The following LRRC49 variants were observed in gnomAD, a reference collection of about 807,000 sequenced individuals.
LRRC49 encodes leucine rich repeat containing 49.
Under a neutral mutation model 83.3 loss-of-function variants are expected in LRRC49, and 50 were observed. The observed-to-expected ratio is 0.60, with a 90% CI of 0.48 to 0.76. The LOEUF is 0.76. LRRC49 is among the 30% of genes least tolerant of loss of function. The pLI, the probability that LRRC49 is intolerant of heterozygous loss-of-function variation, is 0.00. For synonymous variants in LRRC49, 286 were observed against 283.3 expected (o/e 1.01, Z -0.10); for missense variants, 704 against 809.1 (o/e 0.87, Z 1.58).
rs756518687 is a variant in LRRC49, at chr15:70,862,002, G to C, written c.-299+8533G>C. On this transcript the variant is annotated intron_variant, in intron 1 of 16. Coordinates refer to the LRRC49 transcript ENST00000544974. ...TCTAGGCGAGTGATCAGTAACAGCA[G>C]GTATGAAAGTGATTGGTAGAAATTC... Among the ~76,000 whole-genome samples, 4 of 152,270 alleles carry C rather than the reference G, an allele frequency of 2.6e-5. No homozygotes were observed. The South Asian group carries it at 8.3e-4, about 32-fold the overall frequency.
chr15:70,857,274 A>C, intron 1 of LRRC49, among the ~76,000 whole-genome samples: 1 of 152,138 alleles, frequency 6.6e-6, no homozygotes, highest in East Asian at 1.9e-4. Context: ...AATATTTTTG[A>C]GTGTGCCTGG....
intron 1 of LRRC49, among the ~76,000 whole-genome samples, chr15:70,858,166 A>C (rs1446212454): frequency 6.6e-6 from 1 of 152,198 alleles, no homozygotes; most frequent in Non-Finnish European, 1.5e-5. Context: ...TAGATGCCAT[A>C]CTCTTAAAAG....
chr15:70,940,409 A>G (rs897345826), intron 8 of LRRC49, among the ~76,000 whole-genome samples: 14 of 152,120 alleles, frequency 9.2e-5, no homozygotes, highest in Admixed American at 9.2e-4. Flanking sequence ...GGCGCCCGCC[A>G]CCATGCCCGG....
chr15:70,898,497 G>A lies in LRRC49; in HGVS notation c.194-2425G>A, dbSNP rs538903575. The A allele has an allele frequency of 6.3e-5, 43 of 684,226 alleles. 1 individual carries two copies. The highest frequency in any genetic ancestry group is 3.4e-4 in the South Asian group (21 of 62,634). 42.4% of individuals were successfully genotyped at this position (684,226 alleles called of 1,614,324 possible). A position where few individuals can be genotyped will look rare whatever the true frequency, so the allele number is the denominator to read the frequency against. Reference sequence around the variant, plus strand: ...TATAAGAAATAAATAATAACAGGCCGGTTGCTATGGCTCATGCCTGTAACC... The same window carrying A: ...TATAAGAAATAAATAATAACAGGCCAGTTGCTATGGCTCATGCCTGTAACC... On this transcript the variant is annotated intron_variant, in intron 3 of 15. Transcript: ENST00000260382.
At chr15:71,004,647 TAAAA>T (rs35055682) in intron 11 of LRRC49, among the ~76,000 whole-genome samples, 2 of 121,878 alleles carry the variant, frequency 1.6e-5, no homozygotes, top group East Asian at 2.3e-4. Context: ...GAAACTGTGT[TAAAA>T]AAAAAAAAAA....
intron 2 of LRRC49, among the ~76,000 whole-genome samples, chr15:70,879,868 T>A (rs2033228298): frequency 6.6e-6 from 1 of 152,168 alleles, no homozygotes; most frequent in Admixed American, 6.5e-5. Context: ...AACTTACTTT[T>A]CCAAGTAAGT....
intron 14 of LRRC49, among the ~76,000 whole-genome samples, chr15:71,028,525 G>T (rs1015079372): frequency 1.3e-5 from 2 of 152,022 alleles, no homozygotes; most frequent in Non-Finnish European, 2.9e-5. Flanking sequence ...GAATGCTACC[G>T]GCTCCTCTTT....
chr15:70,875,954 C>CT (rs1003788054), intron 2 of LRRC49, among the ~76,000 whole-genome samples: 14 of 150,984 alleles, frequency 9.3e-5, no homozygotes, highest in East Asian at 5.8e-4. Context: ...TTTCTTTTTT[C>CT]TTTTTTTTTA....
intron 14 of LRRC49, among the ~76,000 whole-genome samples, chr15:71,035,376 T>G (rs1045043748): frequency 6.6e-6 from 1 of 152,080 alleles, no homozygotes; most frequent in African/African-American, 2.4e-5. Flanking sequence ...CTTTAAGTTC[T>G]GGGGTACATG....
At position 70,911,679 on chromosome 15, in the gene LRRC49, G is replaced by A. The variant is rs375431713; in HGVS notation, c.567+81G>A. On this transcript the variant is annotated intron_variant, in intron 6 of 15. Transcript: ENST00000260382. ...TATAAAAGTTTTAAGAATCATACTC[G>A]CATTGAATTTTTCAAGAGTTTCTTT... is the stretch of plus-strand genomic sequence containing the variant. 1,668 of 815,448 alleles carry A rather than the reference G, an allele frequency of 2.0e-3. 2 individuals carry two copies. The highest frequency in any genetic ancestry group is 3.3e-3 in the Admixed American group (124 of 37,454). The allele number at this position is 815,448 out of a possible 1,614,324, so 50.5% of individuals were successfully genotyped here.
In LRRC49 at chr15:70,992,494, T is replaced by C. The variant is rs539947459; in HGVS notation, c.1169+8237T>C. On this transcript the variant is annotated intron_variant, in intron 11 of 15. Transcript: ENST00000260382. Reference sequence around the variant, plus strand: ...CGTACAGATGGGGTTTTGGTGTGGATGTCCTTTCCGTTTGTTAGTTTTCCT... The same window carrying C: ...CGTACAGATGGGGTTTTGGTGTGGACGTCCTTTCCGTTTGTTAGTTTTCCT... 5.0e-4 allele frequency among the ~76,000 whole-genome samples: 76 copies of C among 152,350 alleles called. 1 individual carries two copies. The highest frequency in any genetic ancestry group is 3.3e-3 in the Admixed American group (50 of 15,308).
chr15:70,985,304 T>G (rs1035636021), intron 11 of LRRC49, among the ~76,000 whole-genome samples: 3 of 151,124 alleles, frequency 2.0e-5, no homozygotes, highest in Non-Finnish European at 3.0e-5. Flanking sequence ...GTTTCCTGAC[T>G]TTTTAATGAT....
chr15:71,040,009 A>T (rs1287574212), intron 15 of LRRC49, among the ~76,000 whole-genome samples: 1 of 152,304 alleles, frequency 6.6e-6, no homozygotes, highest in East Asian at 1.9e-4. Flanking sequence ...ATTGGTGCAA[A>T]CCCCTTTTAA....
chr15:70,897,729 A>T (rs1567041582), intron 3 of LRRC49, among the ~76,000 whole-genome samples: 1 of 152,218 alleles, frequency 6.6e-6, no homozygotes. Flanking sequence ...CTCAGTCAAA[A>T]GTAAAGACAC....
At chr15:70,877,444 A>G (rs1199049542) in intron 2 of LRRC49, among the ~76,000 whole-genome samples, 2 of 152,230 alleles carry the variant, frequency 1.3e-5, no homozygotes, top group Non-Finnish European at 2.9e-5. Flanking sequence ...AAATAGAAAT[A>G]TAGAATGTGT....
chr15:70,861,038 A>G (rs1250780839), intron 1 of LRRC49, among the ~76,000 whole-genome samples: 4 of 152,156 alleles, frequency 2.6e-5, no homozygotes, highest in Non-Finnish European at 4.4e-5. Context: ...CACGCTCTGG[A>G]TTTGTTTGCT....
rs2037433196 is a variant in LRRC49 at position 70,982,339 on chromosome 15, G to A, written c.1006-1755G>A. ...TCTTTCAAAGTGGCCTTGATACTGAGTAAAAAAAACAGAGTTGCTTAGATT... is the reference window on the plus strand; with the variant it reads ...TCTTTCAAAGTGGCCTTGATACTGAATAAAAAAAACAGAGTTGCTTAGATT... On this transcript the variant is annotated intron_variant, in intron 10 of 15. Coordinates refer to ENST00000260382, the MANE Select transcript of LRRC49 (RefSeq NM_017691.5). 2.0e-5 allele frequency among the ~76,000 whole-genome samples: 3 copies of A among 151,930 alleles called. No individual in the cohort carries two copies. The South Asian group carries it at 6.2e-4, about 32-fold the overall frequency.
chr15:70,857,922 C>T (rs756126064), intron 1 of LRRC49, among the ~76,000 whole-genome samples: 3 of 152,222 alleles, frequency 2.0e-5, no homozygotes, highest in Non-Finnish European at 4.4e-5. Flanking sequence ...GTAAAATGTT[C>T]TGAATGATCC....
At chr15:70,896,961 T>C (rs746115183) in intron 3 of LRRC49, among the ~76,000 whole-genome samples, 12 of 152,206 alleles carry the variant, frequency 7.9e-5, no homozygotes, top group Admixed American at 7.2e-4. Flanking sequence ...TTTGCCTTAT[T>C]TGATTCAGTT....
Sources: allele counts gnomAD v4.1 joint callset (sites outside exome capture counted in the v4.1 genomes callset), GRCh38; gene constraint gnomAD v4.1.1; transcripts MANE v1.5; gene names NCBI Gene and HGNC (gene_info 2026-07-23, HGNC 2026-07-21).